The following MACO1 variants were observed in gnomAD, a reference collection of about 807,000 sequenced individuals.
MACO1 encodes macoilin.
In MACO1, 14 loss-of-function variants were observed where a neutral mutation model predicts 78.7. The observed-to-expected ratio is 0.18, with a 90% CI of 0.12 to 0.28. MACO1 has a LOEUF of 0.28. Ranked by LOEUF, MACO1 falls within the 10% of genes least tolerant of loss-of-function variation. The pLI, the probability that MACO1 is intolerant of heterozygous loss-of-function variation, is 1.00. For synonymous variants in MACO1, 288 were observed against 291.6 expected (o/e 0.99, Z 0.12); for missense variants, 501 against 799.0 (o/e 0.63, Z 4.50).
intron 6 of MACO1, among the ~76,000 whole-genome samples, chr1:25,460,062 A>G (rs1469746648): frequency 6.6e-6 from 1 of 152,188 alleles, no homozygotes; most frequent in Non-Finnish European, 1.5e-5. Flanking sequence ...TATAAATGGT[A>G]TGAACTAGAT....
chr1:25,450,731 C>T (rs1210902275), intron 3 of MACO1, among the ~76,000 whole-genome samples: 2 of 152,164 alleles, frequency 1.3e-5, no homozygotes, highest in African/African-American at 2.4e-5. Context: ...CTTTAGTCTG[C>T]TTTCCTCTAA....
chr1:25,432,861 A>C (rs1201589404), intron 1 of MACO1, among the ~76,000 whole-genome samples: 3 of 152,192 alleles, frequency 2.0e-5, no homozygotes, highest in Non-Finnish European at 4.4e-5. Context: ...TTTCTGCTGT[A>C]TTTCCATTTC....
rs765447198 is a variant in MACO1, at chr1:25,454,261, A to G, written c.352A>G (p.Arg118Gly). ...VWVQYVWHTE[R>G]GVCLPTVSLW... ...GCCTCTCTGCTGCTTTCTCACAGAA[A>G]GGGGAGTGTGTTTGCCTACAGTGTC... Residue 118 changes from arginine to glycine, a missense_variant and splice_region_variant, in exon 4 of 11, where the codon AGG (arginine) becomes GGG (glycine). Arg to Gly is a moderately radical substitution (Grantham distance 125). Coordinates refer to ENST00000374343, the MANE Select transcript of MACO1 (RefSeq NM_018202.6). 6.3e-7 allele frequency: 1 copy of G among 1,584,808 alleles called. No homozygotes were observed. Among genetic ancestry groups the G allele is most frequent in the Admixed American group, 1.8e-5 (1 of 56,304 alleles).
Position 25,485,274 on chromosome 1 carries a change from G to C in MACO1, c.1314-339G>C, listed in dbSNP as rs1174399131. Among the ~76,000 whole-genome samples the C allele has an allele frequency of 2.0e-5, 3 of 152,126 alleles. No homozygotes were observed. The highest frequency in any genetic ancestry group is 1.3e-4 in the Admixed American group (2 of 15,264). On this transcript the variant is annotated intron_variant, in intron 7 of 10. Transcript: ENST00000374343. This position sits in a 1 kb window ranked among gnomAD's most constrained non-coding sequence, Gnocchi z 4.3. ...TTTGGTGGGACTGAAGTTCTTTCAG[G>C]GTGCTCTGGAACATTAGAATTAGTT...
intron 6 of MACO1, among the ~76,000 whole-genome samples, chr1:25,482,598 C>A (rs562243100): frequency 1.3e-5 from 2 of 152,316 alleles, no homozygotes; most frequent in African/African-American, 4.8e-5. Context: ...CATCAGGGCC[C>A]AAGTCAATCT....
At position 25,454,438 on chromosome 1, in the gene MACO1, A is replaced by ATG. The variant is rs71589767; in HGVS notation, c.473+88_473+89dup. 1,145 of 258,858 alleles carry ATG rather than the reference A, an allele frequency of 4.4e-3. 21 individuals are homozygous for ATG. Among genetic ancestry groups the ATG allele is most frequent in the East Asian group, 0.031 (243 of 7,902 alleles). The allele number at this position is 258,858 out of a possible 1,614,324, so 16.0% of individuals were successfully genotyped here. A position where few individuals can be genotyped will look rare whatever the true frequency, so the allele number is the denominator to read the frequency against. ...TGTGTATATGTGTGTATGTATATAT[A>ATG]TGTGTGTGTGTGTGTGTGTGTGTGT... On this transcript the variant is annotated intron_variant, in intron 4 of 10. Coordinates refer to ENST00000374343, the MANE Select transcript of MACO1 (RefSeq NM_018202.6).
chr1:25,491,246 CCATATAAACA>C, intron 9 of MACO1, 154 bp from the exon 10 acceptor site: 1 of 307,344 alleles, frequency 3.3e-6, no homozygotes, highest in African/African-American at 2.3e-5. Flanking sequence ...GTGCTTATTG[CCATATAAACA>C]CATTTAGCAC....
At position 25,500,151 on chromosome 1, in the gene MACO1, C is replaced by T. The variant is rs1341882375; in HGVS notation, c.*1685C>T. The T allele has an allele frequency of 6.6e-6, 1 of 150,576 alleles. No individual in the cohort carries two copies. Among genetic ancestry groups the T allele is most frequent in the Non-Finnish European group, 1.5e-5 (1 of 67,970 alleles). The allele number at this position is 150,576 out of a possible 1,614,324, so 9.3% of individuals were successfully genotyped here. ...CTTCGTTAAATACTGGTCTTGGCTG[C>T]ATTCTTTTTTTTTTTTCCTGTGGGG... On this transcript the variant is annotated 3_prime_UTR_variant, in exon 11 of 11. Coordinates refer to ENST00000374343, the MANE Select transcript of MACO1 (RefSeq NM_018202.6).
At position 25,500,042 on chromosome 1, in the gene MACO1, A is replaced by AT. The variant is rs2043573035; in HGVS notation, c.*1580dup. The stretch of plus-strand genomic sequence containing the variant: ...AAAGTGTTACTCAGAATTGTCATAG[A>AT]TTTTCTCTTCTTTGTGCAAAAACAT... On this transcript the variant is annotated 3_prime_UTR_variant, in exon 11 of 11. Transcript: ENST00000374343. The AT allele has an allele frequency of 6.6e-6, 1 of 151,944 alleles. No individual in the cohort carries two copies. The highest frequency in any genetic ancestry group is 1.5e-5 in the Non-Finnish European group (1 of 67,996). 9.4% of individuals were successfully genotyped at this position (151,944 alleles called of 1,614,324 possible). A position where few individuals can be genotyped will look rare whatever the true frequency, so the allele number is the denominator to read the frequency against.
chr1:25,437,017 C>T (rs1465399810), intron 1 of MACO1, among the ~76,000 whole-genome samples: 1 of 152,162 alleles, frequency 6.6e-6, no homozygotes, highest in Non-Finnish European at 1.5e-5. Flanking sequence ...TATATCTGTT[C>T]ATATCACTGA....
intron 2 of MACO1, 150 bp downstream of exon 2, chr1:25,447,053 T>C (rs556289722): frequency 3.3e-6 from 3 of 908,924 alleles, no homozygotes; most frequent in East Asian, 5.5e-5. Context: ...TCTAAACCCA[T>C]TGATCAAATA....
At chr1:25,440,265 G>C (rs2042958647) in intron 1 of MACO1, among the ~76,000 whole-genome samples, 1 of 150,942 alleles carries the variant, frequency 6.6e-6, no homozygotes, top group African/African-American at 2.4e-5. Context: ...CAAGCATGGT[G>C]GTATGTGCCC....
At chr1:25,454,108 A>G (rs1299104908) in intron 3 of MACO1, 151 bp from the exon 4 acceptor site, 1 of 899,994 alleles carries the variant, frequency 1.1e-6, no homozygotes. Flanking sequence ...TTGTCATATA[A>G]AAGCTTTCAG....
At chr1:25,472,817 C>T (rs575471909) in intron 6 of MACO1, among the ~76,000 whole-genome samples, 6 of 152,272 alleles carry the variant, frequency 3.9e-5, no homozygotes, top group South Asian at 4.1e-4. Context: ...CGACCACAGC[C>T]GGCCTTTCTA....
At chr1:25,477,571 C>A (rs141594354) in intron 6 of MACO1, among the ~76,000 whole-genome samples, 2 of 152,198 alleles carry the variant, frequency 1.3e-5, no homozygotes, top group Non-Finnish European at 2.9e-5. Context: ...ACCTGCAGCC[C>A]ACAGACATAT....
At position 25,431,088 on chromosome 1, in the gene MACO1, C is replaced by G. The variant is rs772694639; in HGVS notation, c.-11C>G. Reference sequence around the variant, plus strand: ...GGCGGCGGCGCGGGCACCCGGCCCCCCAGCGGGAGGATGAAGCGGCGGAAC... The same window carrying G: ...GGCGGCGGCGCGGGCACCCGGCCCCGCAGCGGGAGGATGAAGCGGCGGAAC... On this transcript the variant is annotated 5_prime_UTR_variant, in exon 1 of 11. Transcript: ENST00000374343. The G allele has an allele frequency of 3.2e-6, 5 of 1,581,644 alleles. No individual in the cohort carries two copies. The highest frequency in any genetic ancestry group is 4.7e-5 in the East Asian group (2 of 42,214).
intron 4 of MACO1, 30 bp downstream of exon 4, chr1:25,454,412 G>GTT: frequency 7.0e-7 from 1 of 1,430,746 alleles, no homozygotes. Flanking sequence ...ATGTGTGTGT[G>GTT]TGTGTATATG....
At chr1:25,440,832 T>C (rs2042965843) in intron 1 of MACO1, among the ~76,000 whole-genome samples, 1 of 152,062 alleles carries the variant, frequency 6.6e-6, no homozygotes. Flanking sequence ...CTGGTGTGGT[T>C]TTACATTTTT....
At chr1:25,453,051 G>A (rs1337487759) in intron 3 of MACO1, among the ~76,000 whole-genome samples, 1 of 147,892 alleles carries the variant, frequency 6.8e-6, no homozygotes, top group African/African-American at 2.5e-5. Flanking sequence ...TGTTGCCCAG[G>A]CTGAAGTGCA....
Sources: allele counts gnomAD v4.1 joint callset (sites outside exome capture counted in the v4.1 genomes callset), GRCh38; gene constraint gnomAD v4.1.1; non-coding constraint Gnocchi (gnomAD v3.1); transcripts MANE v1.5; gene names NCBI Gene and HGNC (gene_info 2026-07-23, HGNC 2026-07-21).